The following RUFY4 variants were observed in gnomAD, a reference collection of about 807,000 sequenced individuals.
RUFY4 encodes the protein RUN and FYVE domain-containing protein 4.
In RUFY4, 73 loss-of-function variants were observed where a neutral mutation model predicts 69.0. That is an observed-to-expected ratio of 1.06 (90% CI 0.88 to 1.29). The LOEUF is 1.29. Among genes scored for constraint, RUFY4 ranks in the 50% most tolerant of loss-of-function variants. The pLI, the probability that RUFY4 is intolerant of heterozygous loss-of-function variation, is 0.00. For missense variants in RUFY4, 770 were observed against 705.6 expected (o/e 1.09, Z -1.03); for synonymous variants, 287 against 271.8 (o/e 1.06, Z -0.55).
At chr2:218,089,971 T>G (rs751641012) in exon 11 of RUFY4, 16 of 1,564,094 alleles carry the variant, frequency 1.0e-5, no homozygotes, top group Non-Finnish European at 1.4e-5. Flanking sequence ...AGGCCTGCTC[T>G]GCCATGCTTG....
chr2:218,054,533 C>T (rs1385849914), intron 2 of RUFY4, among the ~76,000 whole-genome samples: 5 of 139,888 alleles, frequency 3.6e-5, no homozygotes, highest in Admixed American at 7.6e-5. Flanking sequence ...CCAGCCTGGG[C>T]GACAGAGTGA....
At chr2:218,064,953 C>G (rs1330895874), upstream of RUFY4, among the ~76,000 whole-genome samples, 1 of 152,128 alleles carries the variant, frequency 6.6e-6, no homozygotes, top group South Asian at 2.1e-4. Context: ...ACCCCGATCC[C>G]GTTTCCTTGT....
chr2:218,042,676 G>A (rs1688724774), intron 2 of RUFY4, among the ~76,000 whole-genome samples: 1 of 142,594 alleles, frequency 7.0e-6, no homozygotes, highest in Non-Finnish European at 1.5e-5. Context: ...GTTCATACAT[G>A]ATCTGTTGTA....
chr2:218,077,659 A>G (rs1427245751), intron 8 of RUFY4, among the ~76,000 whole-genome samples: 1 of 152,116 alleles, frequency 6.6e-6, no homozygotes, highest in East Asian at 1.9e-4. Flanking sequence ...CCCAGGTCCA[A>G]CAGACACCAG....
chr2:218,060,525 A>G (rs1040632680), intron 3 of RUFY4: 5 of 1,288,194 alleles, frequency 3.9e-6, no homozygotes, highest in South Asian at 1.2e-5. Flanking sequence ...CCAGAATCTC[A>G]GTGGCATCCA....
At chr2:218,041,276 A>G (rs1313627835) in intron 2 of RUFY4, among the ~76,000 whole-genome samples, 1 of 152,150 alleles carries the variant, frequency 6.6e-6, no homozygotes, top group Non-Finnish European at 1.5e-5. Context: ...TGCTTTGGCT[A>G]TATTTCTAGA....
At chr2:218,079,543 G>A (rs1006575110) in intron 8 of RUFY4, among the ~76,000 whole-genome samples, 7 of 152,100 alleles carry the variant, frequency 4.6e-5, no homozygotes, top group South Asian at 2.1e-4. Context: ...GACGGGAGCC[G>A]CTGGGCAAGC....
At chr2:218,048,173 A>G (rs1448592801) in intron 2 of RUFY4, among the ~76,000 whole-genome samples, 2 of 151,852 alleles carry the variant, frequency 1.3e-5, no homozygotes, top group African/African-American at 2.4e-5. Context: ...TGTGGTTTTG[A>G]TTTGAATTTC....
chr2:218,080,830 G>A (rs1689744042), intron 8 of RUFY4, among the ~76,000 whole-genome samples: 1 of 152,166 alleles, frequency 6.6e-6, no homozygotes, highest in Non-Finnish European at 1.5e-5. Flanking sequence ...CCTTACCTGG[G>A]TGAAGGTGTA....
rs567217225 is a variant in RUFY4, at chr2:218,063,181, G to A, written c.-1071+4500G>A. Among the ~76,000 whole-genome samples, 30 of 152,208 alleles carry A rather than the reference G, an allele frequency of 2.0e-4. No individual in the cohort carries two copies. The South Asian group carries it at 2.9e-3, about 15-fold the overall frequency. ...CCAGCTCCCTAATTAGCTTTTTTCC[G>A]AACCACAAAATAGATCACCCTCTGG... On this transcript the variant is annotated intron_variant and NMD_transcript_variant, in intron 3 of 13. Transcript: ENST00000457754.
chr2:218,083,181 C>A (rs987813746), exon 9 of RUFY4: 1 of 1,613,554 alleles, frequency 6.2e-7, no homozygotes, highest in Non-Finnish European at 8.5e-7. Flanking sequence ...AGGAGGGATG[C>A]CATGTACCAG....
chr2:218,066,022 G>A (rs1184061802), upstream of RUFY4, among the ~76,000 whole-genome samples: 2 of 152,148 alleles, frequency 1.3e-5, no homozygotes, highest in Non-Finnish European at 2.9e-5. Context: ...GGGTGGGGAA[G>A]GGAACAGGGA....
intron 9 of RUFY4, among the ~76,000 whole-genome samples, chr2:218,087,689 C>G (rs1364382978): frequency 6.6e-6 from 1 of 152,122 alleles, no homozygotes; most frequent in African/African-American, 2.4e-5. Flanking sequence ...ATTAGCCAGG[C>G]ATGGTGGCAC....
chr2:218,070,649 G>C, exon 1 of RUFY4: 1 of 1,537,528 alleles, frequency 6.5e-7, no homozygotes, highest in Non-Finnish European at 8.7e-7. Flanking sequence ...AAAGACCTAA[G>C]AGGTGAGTGT....
chr2:218,054,357 C>T (rs1689012140), intron 2 of RUFY4, among the ~76,000 whole-genome samples: 1 of 151,986 alleles, frequency 6.6e-6, no homozygotes, highest in Non-Finnish European at 1.5e-5. Flanking sequence ...GTGCTCGAGA[C>T]CAGCCTGGCC....
At chr2:218,068,107 CAGCAGGGGA>C (rs1689387467), upstream of RUFY4, among the ~76,000 whole-genome samples, 1 of 132,928 alleles carries the variant, frequency 7.5e-6, no homozygotes, top group Non-Finnish European at 1.6e-5. Flanking sequence ...GGCTGGAGGA[CAGCAGGGGA>C]CTGGAGGAGG....
chr2:218,074,707 G>A (rs1689581325), intron 6 of RUFY4, among the ~76,000 whole-genome samples: 1 of 152,098 alleles, frequency 6.6e-6, no homozygotes, highest in South Asian at 2.1e-4. Flanking sequence ...CCTAAAACCG[G>A]GTATTATCAT....
exon 7 of RUFY4, chr2:218,075,442 C>T (rs1471056230): frequency 1.2e-6 from 2 of 1,610,726 alleles, no homozygotes; most frequent in African/African-American, 2.7e-5. Flanking sequence ...GCTGAGGTCA[C>T]AGGGGTTCTG....
chr2:218,088,928 CCTCT>C (rs145146030), intron 9 of RUFY4, among the ~76,000 whole-genome samples: 9 of 147,622 alleles, frequency 6.1e-5, no homozygotes, highest in African/African-American at 1.5e-4. Context: ...TCTCTCCAAT[CCTCT>C]CTCTCTCTCT....
Sources: allele counts gnomAD v4.1 joint callset (sites outside exome capture counted in the v4.1 genomes callset), GRCh38; gene constraint gnomAD v4.1.1; transcripts MANE v1.5; gene names NCBI Gene and HGNC (gene_info 2026-07-23, HGNC 2026-07-21).